Variants in SORD observed in about 807,000 individuals in gnomAD.
The protein encoded by SORD is sorbitol dehydrogenase.
In SORD, 18 loss-of-function variants were observed where a neutral mutation model predicts 35.6. The ratio of observed to expected loss-of-function variants is 0.51; its 90% confidence interval spans 0.35 to 0.75. The LOEUF is 0.75. SORD is among the 30% of genes least tolerant of loss of function. The pLI is 0.01. For missense variants in SORD, 250 were observed against 390.2 expected, an observed-to-expected ratio of 0.64 and a Z score of 3.03; for synonymous variants, 106 against 152.9, an observed-to-expected ratio of 0.69 and a Z score of 2.26.
At chr15:45,036,246 A>G in intron 1 of SORD, 1 of 444,428 alleles carries the variant, frequency 2.3e-6, no homozygotes, top group Non-Finnish European at 4.5e-6. Context: ...TGAGACCAAG[A>G]ACCCACCAAT....
intron 1 of SORD, among the ~76,000 whole-genome samples, chr15:45,037,998 G>C (rs4775709): frequency 0.047 from 7,188 of 151,898 alleles, 207 homozygotes; most frequent in South Asian, 0.12. Flanking sequence ...ATAACAGAAG[G>C]ATCACTTTAC....
chr15:45,025,082 T>C (rs891797843), intron 1 of SORD, among the ~76,000 whole-genome samples: 15 of 152,202 alleles, frequency 9.9e-5, no homozygotes, highest in African/African-American at 3.6e-4. Context: ...CTAACCTTGA[T>C]CTCATCAGCT....
intron 1 of SORD, among the ~76,000 whole-genome samples, chr15:45,027,609 T>C (rs1892696801): frequency 6.6e-6 from 1 of 152,270 alleles, no homozygotes; most frequent in African/African-American, 2.4e-5. Flanking sequence ...ATGAACAGTT[T>C]TCCTAACCAA....
At chr15:45,028,254 G>A (rs1486964091) in intron 1 of SORD, among the ~76,000 whole-genome samples, 1 of 152,264 alleles carries the variant, frequency 6.6e-6, no homozygotes, top group East Asian at 1.9e-4. Flanking sequence ...CTTGAATGGG[G>A]AGGCAGAGGT....
Position 45,071,354 on chromosome 15 carries a change from C to T in SORD, c.787-963C>T, listed in dbSNP as rs539274413. Among the ~76,000 whole-genome samples the T allele has an allele frequency of 7.9e-5, 12 of 152,276 alleles. 1 individual carries two copies. In the East Asian group the frequency reaches 1.7e-3, roughly 22 times the overall value. On this transcript the variant is annotated intron_variant, in intron 7 of 8. Coordinates refer to ENST00000267814, the MANE Select transcript of SORD (RefSeq NM_003104.6). Reference sequence around the variant, plus strand: ...GGGTGCCACAGCTCTGAAGCAGCAGCGCTGGGAGTCACTCCCACACCACTC... The same window carrying T: ...GGGTGCCACAGCTCTGAAGCAGCAGTGCTGGGAGTCACTCCCACACCACTC...
At chr15:45,046,194 A>C (rs2141272358) in intron 3 of SORD, among the ~76,000 whole-genome samples, 1 of 152,098 alleles carries the variant, frequency 6.6e-6, no homozygotes, top group East Asian at 1.9e-4. Context: ...TTCACTGGAC[A>C]GGAGAGAAAG....
intron 3 of SORD, among the ~76,000 whole-genome samples, chr15:45,047,454 T>A (rs970014932): frequency 6.6e-6 from 1 of 152,172 alleles, no homozygotes; most frequent in African/African-American, 2.4e-5. Context: ...CTTATCACTG[T>A]GTGACCACCT....
intron 1 of SORD, among the ~76,000 whole-genome samples, chr15:45,031,718 A>C (rs1892789476): frequency 6.6e-6 from 1 of 150,956 alleles, no homozygotes; most frequent in South Asian, 2.1e-4. Context: ...CGGCCTCCCA[A>C]AGTGCTGGGA....
intron 3 of SORD, among the ~76,000 whole-genome samples, chr15:45,056,862 G>C (rs1893225813): frequency 6.6e-6 from 1 of 152,226 alleles, no homozygotes; most frequent in African/African-American, 2.4e-5. Context: ...ATTGGTTCCA[G>C]TCACAGGTGT....
rs1392513697 is a variant in SORD at position 45,074,070 on chromosome 15, A to T, written c.*540A>T. 2.4e-5 allele frequency: 3 copies of T among 126,310 alleles called. No individual in the cohort carries two copies. The highest frequency in any genetic ancestry group is 8.0e-5 in the Admixed American group (1 of 12,514). The allele number at this position is 126,310 out of a possible 1,614,324, so 7.8% of individuals were successfully genotyped here. A position where few individuals can be genotyped will look rare whatever the true frequency, so the allele number is the denominator to read the frequency against. On this transcript the variant is annotated 3_prime_UTR_variant, in exon 9 of 9. Coordinates refer to ENST00000267814, the MANE Select transcript of SORD (RefSeq NM_003104.6). The stretch of plus-strand genomic sequence containing the variant: ...TGATAAAAGGAGAATAAGAAAAGGC[A>T]TCACTTTCCTGGATCCAGGATAATT...
Position 45,069,194 on chromosome 15 carries a change from CTTTTTTTTTTTTTTTT to C in SORD, c.786+157_786+172del, listed in dbSNP as rs752540495. ...CTTTTGCCATCTATGTTTTCTTTTT[CTTTTTTTTTTTTTTTT>C]TTTTTTTTTTTTTTGAGACAGAGTC... On this transcript the variant is annotated intron_variant, in intron 7 of 8. Coordinates refer to ENST00000267814, the MANE Select transcript of SORD (RefSeq NM_003104.6). 7.7e-4 allele frequency: 90 copies of C among 116,994 alleles called. 3 individuals are homozygous for C. Among genetic ancestry groups the C allele is most frequent in the Admixed American group, 2.4e-4 (2 of 8,506 alleles). The allele number at this position is 116,994 out of a possible 1,614,324, so 7.2% of individuals were successfully genotyped here.
At chr15:45,044,702 C>CT (rs58726175) in intron 3 of SORD, among the ~76,000 whole-genome samples, 30 of 114,468 alleles carry the variant, frequency 2.6e-4, no homozygotes, top group East Asian at 2.2e-3. Context: ...CTTTCTTTTT[C>CT]TTTTTTTTTT....
At chr15:45,069,656 A>C (rs1893477235) in intron 7 of SORD, among the ~76,000 whole-genome samples, 2 of 152,184 alleles carry the variant, frequency 1.3e-5, no homozygotes, top group Admixed American at 6.5e-5. Flanking sequence ...CATATTTGTT[A>C]AAAGTGCAGT....
At chr15:45,041,625 G>A (rs1488298611) in intron 2 of SORD, 5 of 152,206 alleles carry the variant, frequency 3.3e-5, no homozygotes, top group Non-Finnish European at 5.9e-5. Context: ...TATAGTTAGG[G>A]TTCAAGGATT....
chr15:45,061,825 C>T (rs1381071305), intron 4 of SORD, among the ~76,000 whole-genome samples: 6 of 151,900 alleles, frequency 3.9e-5, no homozygotes, highest in African/African-American at 1.2e-4. Flanking sequence ...GCCGAGATGG[C>T]GCCACTGCAC....
intron 1 of SORD, among the ~76,000 whole-genome samples, chr15:45,029,067 C>G (rs1892726550): frequency 6.6e-6 from 1 of 152,222 alleles, no homozygotes. Context: ...CCTTACAAGT[C>G]AGAGACACTT....
At chr15:45,026,836 C>T (rs1486331991) in intron 1 of SORD, among the ~76,000 whole-genome samples, 3 of 152,168 alleles carry the variant, frequency 2.0e-5, no homozygotes, top group African/African-American at 4.8e-5. Context: ...AGGAACCAGC[C>T]AGCGTCTGGG....
intron 1 of SORD, among the ~76,000 whole-genome samples, chr15:45,026,416 A>G (rs1307181768): frequency 1.3e-5 from 2 of 152,226 alleles, no homozygotes; most frequent in Non-Finnish European, 2.9e-5. Context: ...GATATGAACT[A>G]CAAAAAAGAT....
chr15:45,031,551 G>A (rs1180336975), intron 1 of SORD, among the ~76,000 whole-genome samples: 1 of 152,236 alleles, frequency 6.6e-6, no homozygotes, highest in African/African-American at 2.4e-5. Flanking sequence ...TTTCTTTGCT[G>A]TTTTTATACC....
Sources: allele counts gnomAD v4.1 joint callset (sites outside exome capture counted in the v4.1 genomes callset), GRCh38; gene constraint gnomAD v4.1.1; transcripts MANE v1.5; gene names NCBI Gene and HGNC (gene_info 2026-07-23, HGNC 2026-07-21).